Variants in DSEL observed in about 807,000 individuals in gnomAD.
DSEL encodes dermatan-sulfate epimerase-like protein.
In DSEL, 61 loss-of-function variants were observed where a neutral mutation model predicts 96.6. That is an observed-to-expected ratio of 0.63 (90% CI 0.51 to 0.78). DSEL has a LOEUF of 0.78. DSEL is among the 30% of genes least tolerant of loss of function. The probability of loss-of-function intolerance (pLI) is 0.00; values close to 1 mark genes in which losing one functional copy is unlikely to be tolerated. For missense variants in DSEL, 1,320 were observed against 1,430.8 expected, an observed-to-expected ratio of 0.92 and a Z score of 1.25; for synonymous variants, 514 against 502.0, an observed-to-expected ratio of 1.02 and a Z score of -0.32.
Position 67,514,857 on chromosome 18 carries a change from A to T in DSEL, c.-249T>A. The T allele has an allele frequency of 2.0e-6, 1 of 492,650 alleles. No individual in the cohort carries two copies. Among genetic ancestry groups the T allele is most frequent in the Non-Finnish European group, 3.7e-6 (1 of 273,354 alleles). The allele number at this position is 492,650 out of a possible 1,614,324, so 30.5% of individuals were successfully genotyped here. A position where few individuals can be genotyped will look rare whatever the true frequency, so the allele number is the denominator to read the frequency against. The stretch of plus-strand genomic sequence containing the variant: ...TTCCAGTAAAACTTTGAATAACGTT[A>T]AAATCTCTAATTTTTCCATAATACA... On this transcript the variant is annotated 5_prime_UTR_variant, in exon 2 of 2. The change creates a premature stop within an existing upstream ORF in the 5' untranslated region. Coordinates refer to ENST00000310045, the MANE Select transcript of DSEL (RefSeq NM_032160.3).
At position 67,514,207 on chromosome 18, in the gene DSEL, TAACA is replaced by T. The variant is rs2089461977; in HGVS notation, c.398_401del (p.Leu133TyrfsTer26). The stretch of plus-strand genomic sequence containing the variant: ...CAAAGGCAACTTTGTCTTCTGGGCA[TAACA>T]AACAGTACAATGCTAAAGGAGGCAG... On this transcript the variant is annotated frameshift_variant, in exon 2 of 2. Transcript: ENST00000310045. LOFTEE classifies it high-confidence loss of function. 2 of 1,614,218 alleles carry T rather than the reference TAACA, an allele frequency of 1.2e-6. No homozygotes were observed. The highest frequency in any genetic ancestry group is 1.1e-5 in the South Asian group (1 of 91,090).
In DSEL at chr18:67,509,865, G is replaced by T. The variant is rs145464162; in HGVS notation, c.*1105C>A. 5.6e-4 allele frequency: 85 copies of T among 152,740 alleles called. 1 individual carries two copies. The highest frequency in any genetic ancestry group is 1.9e-3 in the African/African-American group (81 of 41,560). 9.5% of individuals were successfully genotyped at this position (152,740 alleles called of 1,614,324 possible). A position where few individuals can be genotyped will look rare whatever the true frequency, so the allele number is the denominator to read the frequency against. On this transcript the variant is annotated 3_prime_UTR_variant, in exon 2 of 2. Coordinates refer to ENST00000310045, the MANE Select transcript of DSEL (RefSeq NM_032160.3). The stretch of plus-strand genomic sequence containing the variant: ...TTTATAATAAGATGCAGATGGTAAA[G>T]GAAACAGATGCCTCTGACATCATCT...
chr18:67,516,261 C>T lies in DSEL; in HGVS notation c.-885+100G>A, dbSNP rs1335747903. 2 of 152,576 alleles carry T rather than the reference C, an allele frequency of 1.3e-5. No individual in the cohort carries two copies. Among genetic ancestry groups the T allele is most frequent in the Non-Finnish European group, 2.9e-5 (2 of 68,340 alleles). The allele number at this position is 152,576 out of a possible 1,614,324, so 9.5% of individuals were successfully genotyped here. ...CCGCCCCGCCTGTTGCATTTTTTCA[C>T]TGGCGTCCTCCGACCCTGCCGCCCC... On this transcript the variant is annotated intron_variant, in intron 1 of 1. Transcript: ENST00000310045. The surrounding 1 kb of genome is among the most constrained non-coding windows in gnomAD (Gnocchi z 5.6).
rs1179750184 is a variant in DSEL at position 67,509,932 on chromosome 18, A to T, written c.*1038T>A. 1.3e-5 allele frequency: 2 copies of T among 152,504 alleles called. No individual in the cohort carries two copies. Among genetic ancestry groups the T allele is most frequent in the African/African-American group, 4.8e-5 (2 of 41,392 alleles). The allele number at this position is 152,504 out of a possible 1,614,324, so 9.4% of individuals were successfully genotyped here. ...TTTTGCAGACACTGGCAGTCTGTAA[A>T]CTCATTCAAAGGGATGCAAGATAAG... is the stretch of plus-strand genomic sequence containing the variant. On this transcript the variant is annotated 3_prime_UTR_variant, in exon 2 of 2. Transcript: ENST00000310045.
rs10708668 is a variant in DSEL at position 67,507,346 on chromosome 18, CAAAAAAAAAAAAA to C, written c.*3611_*3623del. On this transcript the variant is annotated 3_prime_UTR_variant, in exon 2 of 2. Transcript: ENST00000310045. ...TGGGCAACAAAGTGAGACTCCATCC[CAAAAAAAAAAAAA>C]AAAAAAAAAAAAAGAATGTTAGGTA... 7.3e-5 allele frequency: 4 copies of C among 55,032 alleles called. No homozygotes were observed. Among genetic ancestry groups the C allele is most frequent in the African/African-American group, 1.6e-4 (2 of 12,598 alleles). 3.4% of individuals were successfully genotyped at this position (55,032 alleles called of 1,614,324 possible). A position where few individuals can be genotyped will look rare whatever the true frequency, so the allele number is the denominator to read the frequency against.
chr18:67,511,625 T>C lies in DSEL; in HGVS notation c.2984A>G (p.Tyr995Cys). The C allele has an allele frequency of 3.1e-6, 5 of 1,614,202 alleles. No homozygotes were observed. Among genetic ancestry groups the C allele is most frequent in the South Asian group, 2.2e-5 (2 of 91,070 alleles). ...IRALRRHLVY[Y>C]PSARPVLSLS... Reference sequence around the variant, plus strand: ...ACTGAGCACAGGACGTGCACTTGGATAGTAAACCAGGTGTCTCCTCAAAGC... The same window carrying C: ...ACTGAGCACAGGACGTGCACTTGGACAGTAAACCAGGTGTCTCCTCAAAGC... The change falls in exon 2 of 2, where the codon TAT becomes TGT. Residue 995 changes from tyrosine to cysteine, a missense_variant. By Grantham distance (194) the Tyr-to-Cys change is radical (BLOSUM62 -2). Around this residue, in one of 3 missense-constraint regions of DSEL, gnomAD observed 986 missense variants for 1,066.4 expected, o/e 0.92. Coordinates refer to ENST00000310045, the MANE Select transcript of DSEL (RefSeq NM_032160.3).
At chr18:67,515,876 C>CA (rs2089472875) in intron 1 of DSEL, among the ~76,000 whole-genome samples, 1 of 144,250 alleles carries the variant, frequency 6.9e-6, no homozygotes, top group Non-Finnish European at 1.5e-5. Context: ...GACCGAGGGA[C>CA]AAAAAACTGA....
rs373569592 is a variant in DSEL, at chr18:67,513,041, G to A, written c.1568C>T (p.Ala523Val). Residue 523 changes from alanine (A) to valine (V), a missense_variant, in exon 2 of 2, where the codon GCG (alanine) becomes GTG (valine). Around this residue, in one of 3 missense-constraint regions of DSEL, gnomAD observed 986 missense variants for 1,066.4 expected, o/e 0.92. Coordinates refer to ENST00000310045, the MANE Select transcript of DSEL (RefSeq NM_032160.3). ...KPWEGQLGECAQWLKWTGEEV... is the reference protein window; with the variant it reads ...KPWEGQLGECVQWLKWTGEEV... ...CTCGCCAGTCCACTTAAGCCACTGC[G>A]CACATTCTCCCAGTTGACCTTCCCA... 1.2e-5 allele frequency: 20 copies of A among 1,614,040 alleles called. No homozygotes were observed. Among genetic ancestry groups the A allele is most frequent in the East Asian group, 4.5e-5 (2 of 44,892 alleles).
chr18:67,511,001 T>G lies in DSEL; in HGVS notation c.3608A>C (p.Asp1203Ala), dbSNP rs138443247. ...LIENICWTLM[D>A]RLGYPKFMD is the part of the protein sequence containing the mutation. ...CATAAACTTTGGATATCCTAGGCGATCCATCAGAGTCCAGCAGATGTTTTC... is the reference window on the plus strand; with the variant it reads ...CATAAACTTTGGATATCCTAGGCGAGCCATCAGAGTCCAGCAGATGTTTTC... The change falls in exon 2 of 2, where the codon GAT (aspartate) becomes GCT (alanine). Residue 1203 changes from aspartate to alanine, a missense_variant. Around this residue, in one of 3 missense-constraint regions of DSEL, gnomAD observed 986 missense variants for 1,066.4 expected, o/e 0.92. Transcript: ENST00000310045. The G allele has an allele frequency of 4.0e-4, 641 of 1,601,862 alleles. 3 individuals carry two copies. The Middle Eastern group carries it at 7.9e-3, about 20-fold the overall frequency.
chr18:67,513,170 T>C lies in DSEL; in HGVS notation c.1439A>G (p.Asn480Ser), dbSNP rs762811081. 3.8e-5 allele frequency: 61 copies of C among 1,614,004 alleles called. No individual in the cohort carries two copies. The East Asian group carries it at 5.1e-4, about 14-fold the overall frequency. Reference protein sequence around the residue: ...PDQNSFTFAPNGQVFVSEALY... With the variant: ...PDQNSFTFAPSGQVFVSEALY... ...AGCTTCAGAAACAAATACTTGTCCA[T>C]TGGGGGCAAAAGTAAATGAGTTCTG... Residue 480 changes from asparagine to serine, a missense_variant, in exon 2 of 2, where the codon AAT (asparagine) becomes AGT (serine). By Grantham distance (46) the Asn-to-Ser change is conservative. Around this residue, in one of 3 missense-constraint regions of DSEL, gnomAD observed 986 missense variants for 1,066.4 expected, o/e 0.92. Transcript: ENST00000310045.
chr18:67,515,975 G>C (rs1414119631), intron 1 of DSEL, among the ~76,000 whole-genome samples: 2 of 148,476 alleles, frequency 1.3e-5, no homozygotes, highest in African/African-American at 5.0e-5. Flanking sequence ...TTCCTAATGA[G>C]AACTACTCGG....
chr18:67,516,025 C>A lies in DSEL; in HGVS notation c.-885+336G>T, dbSNP rs576837068. Among the ~76,000 whole-genome samples, 3 of 151,942 alleles carry A rather than the reference C, an allele frequency of 2.0e-5. No homozygotes were observed. The South Asian group carries it at 6.2e-4, about 32-fold the overall frequency. On this transcript the variant is annotated intron_variant, in intron 1 of 1. Transcript: ENST00000310045. This position sits in a 1 kb window ranked among gnomAD's most constrained non-coding sequence, Gnocchi z 5.6. Reference sequence around the variant, plus strand: ...TCGGCGGGGTAACCGCGAATCGTGACCAGGCGCCAAGCCGAGGGGCGGGAG... The same window carrying A: ...TCGGCGGGGTAACCGCGAATCGTGAACAGGCGCCAAGCCGAGGGGCGGGAG...
In DSEL at chr18:67,515,173, T is replaced by C. The variant is rs1386449661; in HGVS notation, c.-565A>G. 6.0e-6 allele frequency: 1 copy of C among 167,290 alleles called. No individual in the cohort carries two copies. The highest frequency in any genetic ancestry group is 1.5e-5 in the Non-Finnish European group (1 of 68,312). The allele number at this position is 167,290 out of a possible 1,614,324, so 10.4% of individuals were successfully genotyped here. ...TCAACTTTTTATACTTCTTGTCTTG[T>C]GAATACGTTTTTCTTTCATTTATGA... On this transcript the variant is annotated 5_prime_UTR_variant, in exon 2 of 2. Coordinates refer to ENST00000310045, the MANE Select transcript of DSEL (RefSeq NM_032160.3).
Position 67,511,109 on chromosome 18 carries a change from TA to T in DSEL, c.3499del (p.Tyr1167ThrfsTer27). ...TGATATTTCCCCTTCATAGGGAAGG[TA>T]AAAAAGGTTTGTAGAGGTGGCAAAC... The part of the protein sequence containing the change: ...ILFATSTNLF[Y>X]LPYEGEISPT... On this transcript the variant is annotated frameshift_variant, in exon 2 of 2. Coordinates refer to ENST00000310045, the MANE Select transcript of DSEL (RefSeq NM_032160.3). LOFTEE classifies it high-confidence loss of function. 6.2e-7 allele frequency: 1 copy of T among 1,614,096 alleles called. No homozygotes were observed. The highest frequency in any genetic ancestry group is 1.7e-5 in the Admixed American group (1 of 60,024).
Position 67,511,542 on chromosome 18 carries a change from A to G in DSEL, c.3067T>C (p.Ser1023Pro), listed in dbSNP as rs199711651. ...CTTACTATGTACAATGCCCTCATCGAAGCTCCTAAAACTTCCTGAAAAAAA... is the reference window on the plus strand; with the variant it reads ...CTTACTATGTACAATGCCCTCATCGGAGCTCCTAAAACTTCCTGAAAAAAA... Reference protein sequence around the residue: ...LHFFQEVLGASMRALYIVRDP... With the variant: ...LHFFQEVLGAPMRALYIVRDP... Residue 1023 changes from serine to proline, a missense_variant, in exon 2 of 2, where the codon TCG (serine) becomes CCG (proline). Around this residue, in one of 3 missense-constraint regions of DSEL, gnomAD observed 986 missense variants for 1,066.4 expected, o/e 0.92. Transcript: ENST00000310045. 2.8e-4 allele frequency: 458 copies of G among 1,613,474 alleles called. No homozygotes were observed. Among genetic ancestry groups the G allele is most frequent in the Non-Finnish European group, 3.7e-4 (442 of 1,179,928 alleles).
Position 67,510,877 on chromosome 18 carries a change from C to G in DSEL, c.*93G>C, listed in dbSNP as rs2089437515. 9.3e-7 allele frequency: 1 copy of G among 1,078,436 alleles called. No homozygotes were observed. The highest frequency in any genetic ancestry group is 1.3e-6 in the Non-Finnish European group (1 of 754,030). The allele number at this position is 1,078,436 out of a possible 1,614,324, so 66.8% of individuals were successfully genotyped here. Reference sequence around the variant, plus strand: ...ACACATACACGCGTGCACACACACACACACACTAAAGAATAAACAAACTCT... The same window carrying G: ...ACACATACACGCGTGCACACACACAGACACACTAAAGAATAAACAAACTCT... On this transcript the variant is annotated 3_prime_UTR_variant, in exon 2 of 2. Transcript: ENST00000310045.
At position 67,514,459 on chromosome 18, in the gene DSEL, G is replaced by C; in HGVS notation, c.150C>G (p.Phe50Leu). 1 of 1,614,134 alleles carries C rather than the reference G, an allele frequency of 6.2e-7. No homozygotes were observed. ...TTTTCTTCAGCTTTTGGTTGGGTCT[G>C]AAATCTTGCACTTTCTGTGTTTTAA... is the stretch of plus-strand genomic sequence containing the variant. ...DQFKTQKVQDFRPNQKLKKSM... is the reference protein window; with the variant it reads ...DQFKTQKVQDLRPNQKLKKSM... Residue 50 changes from phenylalanine (F) to leucine (L), a missense_variant, in exon 2 of 2, where the codon TTC (phenylalanine) becomes TTG (leucine). By Grantham distance (22) the Phe-to-Leu change is conservative (BLOSUM62 0). This residue lies in a region of DSEL where 323 missense variants were observed against 333.1 expected (regional missense o/e 0.97). Transcript: ENST00000310045.
Position 67,511,838 on chromosome 18 carries a change from T to G in DSEL, c.2771A>C (p.Gln924Pro). ...TAATTTTGTGTCCTGGACTAAAGAC[T>G]GCAACCAGCCTCGGAGTAAACGAAA... ...GHFRLLRGWLQSLVQDTKLHL... is the reference protein window; with the variant it reads ...GHFRLLRGWLPSLVQDTKLHL... Residue 924 changes from glutamine to proline, a missense_variant, in exon 2 of 2, where the codon CAG becomes CCG. By Grantham distance (76) the Gln-to-Pro change is moderately conservative. This residue lies in a region of DSEL where 986 missense variants were observed against 1,066.4 expected (regional missense o/e 0.92). Coordinates refer to ENST00000310045, the MANE Select transcript of DSEL (RefSeq NM_032160.3). 6.2e-7 allele frequency: 1 copy of G among 1,614,246 alleles called. No individual in the cohort carries two copies. The highest frequency in any genetic ancestry group is 8.5e-7 in the Non-Finnish European group (1 of 1,180,044).
In DSEL at chr18:67,514,420, T is replaced by C. The variant is rs544216657; in HGVS notation, c.189A>G (p.Pro63=). 2.1e-4 allele frequency: 331 copies of C among 1,614,166 alleles called. 1 individual carries two copies. In the South Asian group the frequency reaches 3.4e-3, roughly 17 times the overall value. The change falls in exon 2 of 2, where the codon CCA becomes CCG. Residue 63 remains proline, a synonymous_variant. Coordinates refer to ENST00000310045, the MANE Select transcript of DSEL (RefSeq NM_032160.3). Reference sequence around the variant, plus strand: ...TTTCTCCAGCATCAAAATATAAACTTGGATGAAGCATACTTTTCTTCAGCT... The same window carrying C: ...TTTCTCCAGCATCAAAATATAAACTCGGATGAAGCATACTTTTCTTCAGCT... ...NQKLKKSMLH[P]SLYFDAGEIQ... is the part of the protein sequence containing the mutation.
Sources: gnomAD v4.1 joint callset for allele counts (sites outside exome capture counted in the v4.1 genomes callset) on GRCh38, gnomAD v4.1.1 for gene constraint, gnomAD v4.1.1 regional missense constraint, Gnocchi (gnomAD v3.1) non-coding constraint, MANE v1.5 for transcripts, NCBI Gene and HGNC (gene_info 2026-07-23, HGNC 2026-07-21) for gene names.